Variants in KIAA1217 observed in about 807,000 individuals in gnomAD.
KIAA1217 encodes sickle tail protein homolog.
A neutral mutation model predicts 163.9 loss-of-function variants in KIAA1217; 88 were observed. That is an observed-to-expected ratio of 0.54 (90% CI 0.45 to 0.64). KIAA1217 has a LOEUF of 0.64. Among genes scored for constraint, KIAA1217 ranks in the 30% least tolerant of loss-of-function variants. The pLI, the probability that KIAA1217 is intolerant of heterozygous loss-of-function variation, is 0.00. For synonymous variants in KIAA1217, 903 were observed against 923.1 expected, an observed-to-expected ratio of 0.98 and a Z score of 0.39; for missense variants, 2,372 against 2,475.0, an observed-to-expected ratio of 0.96 and a Z score of 0.88.
At chr10:24,436,511 CA>C (rs1266038258) in intron 4 of KIAA1217, among the ~76,000 whole-genome samples, 4 of 150,228 alleles carry the variant, frequency 2.7e-5, no homozygotes, top group African/African-American at 9.8e-5. Flanking sequence ...GTAATCCCAG[CA>C]CTTTGGGAGG....
chr10:24,547,489 T>G lies in KIAA1217; in HGVS notation c.*1165T>G, dbSNP rs986569757. The G allele has an allele frequency of 1.3e-5, 2 of 152,522 alleles. No individual in the cohort carries two copies. The highest frequency in any genetic ancestry group is 2.4e-5 in the African/African-American group (1 of 41,460). 9.4% of individuals were successfully genotyped at this position (152,522 alleles called of 1,614,324 possible). A position where few individuals can be genotyped will look rare whatever the true frequency, so the allele number is the denominator to read the frequency against. Reference sequence around the variant, plus strand: ...TAAATAAAGGGCTGCATGCTTATTATTTTTTGTACCTTGTCACTATAACTA... The same window carrying G: ...TAAATAAAGGGCTGCATGCTTATTAGTTTTTGTACCTTGTCACTATAACTA... On this transcript the variant is annotated 3_prime_UTR_variant, in exon 21 of 21. Transcript: ENST00000376454.
At chr10:24,526,503 C>G (rs2072211127) in intron 13 of KIAA1217, among the ~76,000 whole-genome samples, 1 of 152,150 alleles carries the variant, frequency 6.6e-6, no homozygotes, top group Non-Finnish European at 1.5e-5. Context: ...TGATGGCACT[C>G]TTATTTAACA....
intron 1 of KIAA1217, among the ~76,000 whole-genome samples, chr10:23,813,041 G>A (rs988584553): frequency 3.3e-5 from 5 of 152,034 alleles, no homozygotes; most frequent in Non-Finnish European, 5.9e-5. Flanking sequence ...GCTACACCAT[G>A]TTACATGTTC....
At chr10:24,320,341 G>T (rs1180805936) in intron 2 of KIAA1217, among the ~76,000 whole-genome samples, 3 of 152,226 alleles carry the variant, frequency 2.0e-5, no homozygotes, top group African/African-American at 7.2e-5. Context: ...TAACTTGTGT[G>T]CCTGATGCTG....
intron 2 of KIAA1217, among the ~76,000 whole-genome samples, chr10:24,156,326 G>A (rs181990352): frequency 2.0e-5 from 3 of 152,110 alleles, no homozygotes; most frequent in Admixed American, 1.3e-4. Context: ...TTGAGTAGTA[G>A]CCTATTGTTT....
intron 2 of KIAA1217, among the ~76,000 whole-genome samples, chr10:24,039,272 G>T (rs1848526938): frequency 6.6e-6 from 1 of 151,126 alleles, no homozygotes; most frequent in Non-Finnish European, 1.5e-5. Context: ...TCATACATAT[G>T]TGTATATTCT....
At chr10:24,413,629 C>G (rs2057996893) in intron 3 of KIAA1217, among the ~76,000 whole-genome samples, 1 of 152,172 alleles carries the variant, frequency 6.6e-6, no homozygotes, top group African/African-American at 2.4e-5. Flanking sequence ...TTCCATTTCT[C>G]ATCTCACTCA....
At chr10:24,202,023 C>T (rs1452242509) in intron 2 of KIAA1217, among the ~76,000 whole-genome samples, 5 of 152,170 alleles carry the variant, frequency 3.3e-5, no homozygotes, top group South Asian at 4.1e-4. Flanking sequence ...GGCCCAGCCC[C>T]GGGTGCTGGG....
At chr10:24,238,599 G>C (rs1487035387) in intron 2 of KIAA1217, among the ~76,000 whole-genome samples, 1 of 152,092 alleles carries the variant, frequency 6.6e-6, no homozygotes, top group East Asian at 1.9e-4. Context: ...CATAGAAGCC[G>C]AGGGGAAATG....
chr10:24,407,974 G>C (rs1443244371), intron 3 of KIAA1217, among the ~76,000 whole-genome samples: 1 of 152,122 alleles, frequency 6.6e-6, no homozygotes, highest in Non-Finnish European at 1.5e-5. Context: ...ATTGGTCTAG[G>C]TTCATCTTGA....
At chr10:24,202,513 C>T (rs2067318097) in intron 2 of KIAA1217, among the ~76,000 whole-genome samples, 1 of 152,176 alleles carries the variant, frequency 6.6e-6, no homozygotes, top group Admixed American at 6.5e-5. Context: ...GAGCCTCCAC[C>T]CTCCACCCTG....
At chr10:23,848,050 G>C (rs1381405677) in intron 1 of KIAA1217, among the ~76,000 whole-genome samples, 2 of 152,044 alleles carry the variant, frequency 1.3e-5, no homozygotes, top group East Asian at 3.9e-4. Context: ...TTAATCCTGA[G>C]TTCTAATTTG....
intron 3 of KIAA1217, among the ~76,000 whole-genome samples, chr10:24,420,303 G>A (rs536367871): frequency 6.6e-6 from 1 of 151,972 alleles, no homozygotes; most frequent in Non-Finnish European, 1.5e-5. Flanking sequence ...CTAATTTATT[G>A]GCCACTGGAG....
At chr10:24,538,558 GAGGGAGGGAGGAAGGA>G (rs1242745546) in intron 17 of KIAA1217, among the ~76,000 whole-genome samples, 9 of 87,750 alleles carry the variant, frequency 1.0e-4, no homozygotes, top group South Asian at 4.8e-4. Flanking sequence ...TGGAGGGAGG[GAGGGAGGGAGGAAGGA>G]AGGAAGGAAG....
At chr10:24,113,849 C>G (rs1000833395) in intron 2 of KIAA1217, among the ~76,000 whole-genome samples, 1 of 152,210 alleles carries the variant, frequency 6.6e-6, no homozygotes, top group South Asian at 2.1e-4. Flanking sequence ...GCAGAACCAG[C>G]TACATATTCA....
intron 1 of KIAA1217, among the ~76,000 whole-genome samples, chr10:23,842,709 G>A (rs1465442580): frequency 6.6e-6 from 1 of 151,898 alleles, no homozygotes; most frequent in Non-Finnish European, 1.5e-5. Flanking sequence ...AGTGAGTTTG[G>A]GGTTCAAGAA....
intron 8 of KIAA1217, among the ~76,000 whole-genome samples, chr10:24,499,643 A>T (rs1285489642): frequency 1.3e-5 from 2 of 152,156 alleles, no homozygotes; most frequent in African/African-American, 2.4e-5. Flanking sequence ...GAGACAGGAA[A>T]ATCGCTTGCA....
intron 1 of KIAA1217, among the ~76,000 whole-genome samples, chr10:23,897,863 A>G (rs1271341426): frequency 2.0e-5 from 3 of 152,128 alleles, no homozygotes; most frequent in Non-Finnish European, 4.4e-5. Flanking sequence ...GTATGTTACA[A>G]AAAATAATTT....
intron 16 of KIAA1217, among the ~76,000 whole-genome samples, chr10:24,535,985 A>G (rs899851253): frequency 7.9e-5 from 12 of 152,038 alleles, no homozygotes; most frequent in African/African-American, 2.7e-4. Context: ...ACTGTTGTCC[A>G]TAAACTTGGG....
Sources: gnomAD v4.1 joint callset for allele counts (sites outside exome capture counted in the v4.1 genomes callset) on GRCh38, gnomAD v4.1.1 for gene constraint, MANE v1.5 for transcripts, NCBI Gene and HGNC (gene_info 2026-07-23, HGNC 2026-07-21) for gene names.